The following RNF144A variants were observed in gnomAD, a reference collection of about 807,000 sequenced individuals.
The protein encoded by RNF144A is E3 ubiquitin-protein ligase RNF144A.
RNF144A carries 11 observed loss-of-function variants against 38.7 expected under a neutral mutation model. The observed-to-expected ratio is 0.28, with a 90% CI of 0.18 to 0.47. The LOEUF (loss-of-function observed/expected upper bound fraction) is 0.47, where lower values mean the gene tolerates loss of function less well. Ranked by LOEUF, RNF144A falls within the 20% of genes least tolerant of loss-of-function variation. The pLI is 0.99. For missense variants in RNF144A, 316 were observed against 377.2 expected, an observed-to-expected ratio of 0.84 and a Z score of 1.34; for synonymous variants, 149 against 143.9, an observed-to-expected ratio of 1.04 and a Z score of -0.25.
chr2:6,949,278 G>A (rs1217217866), intron 2 of RNF144A, among the ~76,000 whole-genome samples: 1 of 152,090 alleles, frequency 6.6e-6, no homozygotes, highest in African/African-American at 2.4e-5. Context: ...CTACAAACAG[G>A]AGGTTTGTAT....
chr2:6,977,512 C>T (rs757251471), intron 2 of RNF144A, among the ~76,000 whole-genome samples: 1 of 152,214 alleles, frequency 6.6e-6, no homozygotes, highest in Non-Finnish European at 1.5e-5. Flanking sequence ...GTTATTGAGT[C>T]ACTACTCAGT....
chr2:7,072,495 A>T (rs1674519442), downstream of RNF144A, among the ~76,000 whole-genome samples: 1 of 152,212 alleles, frequency 6.6e-6, no homozygotes, highest in Non-Finnish European at 1.5e-5. Flanking sequence ...ATCCCACAGG[A>T]ACCTCAGGAA....
At chr2:7,031,295 C>T (rs1483601911) in intron 8 of RNF144A, among the ~76,000 whole-genome samples, 2 of 152,196 alleles carry the variant, frequency 1.3e-5, no homozygotes, top group Non-Finnish European at 2.9e-5. Context: ...GTGCTGGGTA[C>T]TGCTGTAGGA....
At chr2:7,028,777 G>A (rs1403563113) in intron 7 of RNF144A, among the ~76,000 whole-genome samples, 2 of 152,174 alleles carry the variant, frequency 1.3e-5, no homozygotes, top group Non-Finnish European at 2.9e-5. Flanking sequence ...GAAAGGTGTG[G>A]CCAGAAGTGG....
chr2:6,983,070 CGT>C (rs1668735359), intron 2 of RNF144A, among the ~76,000 whole-genome samples: 1 of 152,168 alleles, frequency 6.6e-6, no homozygotes. Flanking sequence ...GTGAATAACT[CGT>C]GTGTTCTTCA....
At chr2:7,075,605 C>T in the RNF144A span, among the ~76,000 whole-genome samples, 1 of 152,110 alleles carries the variant, frequency 6.6e-6, no homozygotes. Context: ...GATTTGATGC[C>T]TCCTGCCGTG....
intron 6 of RNF144A, among the ~76,000 whole-genome samples, chr2:7,053,262 G>C (rs1235943701): frequency 6.6e-6 from 1 of 152,202 alleles, no homozygotes; most frequent in African/African-American, 2.4e-5. Flanking sequence ...CTCAGACCGA[G>C]TCAGAACCTG....
At chr2:7,054,557 A>G (rs1162530709) in intron 6 of RNF144A, among the ~76,000 whole-genome samples, 4 of 152,218 alleles carry the variant, frequency 2.6e-5, no homozygotes, top group Non-Finnish European at 5.9e-5. Flanking sequence ...GCTAGTACCT[A>G]AAGCTTTGTG....
chr2:7,071,088 C>T (rs945589312), downstream of RNF144A, among the ~76,000 whole-genome samples: 3 of 152,136 alleles, frequency 2.0e-5, no homozygotes, highest in African/African-American at 7.2e-5. Context: ...GAGCGTGCCA[C>T]CATGCCAGGC....
intron 6 of RNF144A, among the ~76,000 whole-genome samples, chr2:7,067,771 A>G (rs546314294): frequency 2.0e-4 from 30 of 152,162 alleles, no homozygotes; most frequent in Admixed American, 8.5e-4. Context: ...AGCTTCTCCT[A>G]TGTCTACCTG....
chr2:6,931,598 T>C (rs1665214244), intron 1 of RNF144A, among the ~76,000 whole-genome samples: 2 of 152,266 alleles, frequency 1.3e-5, no homozygotes, highest in Non-Finnish European at 2.9e-5. Context: ...ATAGCCTAGA[T>C]GAAATAATGC....
chr2:7,023,747 G>A (rs1022626074), intron 6 of RNF144A, among the ~76,000 whole-genome samples: 2 of 152,206 alleles, frequency 1.3e-5, no homozygotes, highest in African/African-American at 4.8e-5. Flanking sequence ...TGGTCACACT[G>A]ATGAGAAAAC....
Position 7,042,007 on chromosome 2 carries a change from A to C in RNF144A, c.*2247A>C. 1.0e-6 allele frequency: 1 copy of C among 985,408 alleles called. No individual in the cohort carries two copies. The highest frequency in any genetic ancestry group is 1.2e-6 in the Non-Finnish European group (1 of 829,940). The allele number at this position is 985,408 out of a possible 1,614,324, so 61.0% of individuals were successfully genotyped here. A position where few individuals can be genotyped will look rare whatever the true frequency, so the allele number is the denominator to read the frequency against. On this transcript the variant is annotated 3_prime_UTR_variant, in exon 9 of 9. Transcript: ENST00000320892. ...AGCACGTAGTTCAACCCAGATAGGG[A>C]CCACAGAGATTCTGGGGCCAGCCAG...
chr2:6,955,579 T>C (rs1488929840), intron 2 of RNF144A, among the ~76,000 whole-genome samples: 2 of 152,214 alleles, frequency 1.3e-5, no homozygotes, highest in African/African-American at 4.8e-5. Flanking sequence ...AGGAAGTGTC[T>C]GGTGCATTTT....
Position 7,041,739 on chromosome 2 carries a change from C to T in RNF144A, c.*1979C>T, listed in dbSNP as rs1036027360. On this transcript the variant is annotated 3_prime_UTR_variant, in exon 9 of 9. Transcript: ENST00000320892. ...GTGTCCAGTGGCCCACAGGACACGC[C>T]TCCACCATATGCTCATCCTTCCTGC... The T allele has an allele frequency of 1.0e-6, 1 of 985,604 alleles. No homozygotes were observed. The highest frequency in any genetic ancestry group is 1.2e-6 in the Non-Finnish European group (1 of 830,072). 61.1% of individuals were successfully genotyped at this position (985,604 alleles called of 1,614,324 possible).
chr2:6,982,703 G>A (rs903728391), intron 2 of RNF144A, among the ~76,000 whole-genome samples: 10 of 152,186 alleles, frequency 6.6e-5, no homozygotes, highest in African/African-American at 2.2e-4. Flanking sequence ...GCAATCAGAC[G>A]ATTGAGAAAG....
At chr2:6,978,076 G>A (rs1194232914) in intron 2 of RNF144A, among the ~76,000 whole-genome samples, 1 of 152,146 alleles carries the variant, frequency 6.6e-6, no homozygotes, top group African/African-American at 2.4e-5. Flanking sequence ...CTCAACAGGG[G>A]CTAGTAGACC....
chr2:7,009,360 G>C (rs926102178), intron 3 of RNF144A, among the ~76,000 whole-genome samples: 3 of 152,154 alleles, frequency 2.0e-5, no homozygotes, highest in African/African-American at 7.2e-5. Context: ...GGTAATGCAG[G>C]GGAGCAGCAC....
chr2:6,993,721 T>C (rs1325747858), intron 2 of RNF144A, among the ~76,000 whole-genome samples: 1 of 152,158 alleles, frequency 6.6e-6, no homozygotes, highest in Non-Finnish European at 1.5e-5. Flanking sequence ...GTTTGATTCT[T>C]CTAAAAATTT....
Sources: gnomAD v4.1 joint callset for allele counts (sites outside exome capture counted in the v4.1 genomes callset) on GRCh38, gnomAD v4.1.1 for gene constraint, MANE v1.5 for transcripts, NCBI Gene and HGNC (gene_info 2026-07-23, HGNC 2026-07-21) for gene names.